Variants in HIF3A observed in about 807,000 individuals in gnomAD.
The protein encoded by HIF3A is hypoxia inducible factor 3 subunit alpha, also known as hypoxia-inducible factor 3-alpha.
Under a neutral mutation model 67.2 loss-of-function variants are expected in HIF3A, and 41 were observed. That is an observed-to-expected ratio of 0.61 (90% CI 0.48 to 0.79). HIF3A has a LOEUF of 0.79. Among genes scored for constraint, HIF3A ranks in the 30% least tolerant of loss-of-function variants. The pLI, the probability that HIF3A is intolerant of heterozygous loss-of-function variation, is 0.00. For synonymous variants in HIF3A, 356 were observed against 374.8 expected (o/e 0.95, Z 0.58); for missense variants, 855 against 898.0 (o/e 0.95, Z 0.61).
chr19:46,324,914 A>G (rs187472898), intron 10 of HIF3A, among the ~76,000 whole-genome samples: 5 of 146,416 alleles, frequency 3.4e-5, no homozygotes. Flanking sequence ...ATATACACAC[A>G]CACATATATA....
At chr19:46,302,439 T>TC (rs147442800) in intron 1 of HIF3A, among the ~76,000 whole-genome samples, 4,633 of 151,944 alleles carry the variant, frequency 0.03, 210 homozygotes, top group African/African-American at 0.11. Flanking sequence ...CTGTTTTTTG[T>TC]CTTTTTTTAG....
intron 8 of HIF3A, among the ~76,000 whole-genome samples, chr19:46,317,946 C>A (rs1342242988): frequency 1.3e-5 from 2 of 152,108 alleles, no homozygotes; most frequent in South Asian, 4.2e-4. Context: ...TCAAGTGATT[C>A]TCCTGTCTCA....
chr19:46,309,087 C>A, intron 5 of HIF3A, 64 bp from the exon 6 acceptor site: 1 of 1,422,410 alleles, frequency 7.0e-7, no homozygotes, highest in South Asian at 1.3e-5. Context: ...ACGCATCTTC[C>A]AACCCCATGG....
chr19:46,308,296 C>T lies in HIF3A; in HGVS notation c.439C>T (p.Pro147Ser), dbSNP rs1969078898. The change falls in exon 4 of 15, where the codon CCC becomes TCC. Residue 147 changes from proline to serine, a missense_variant. By Grantham distance (74) the Pro-to-Ser change is moderately conservative. This residue lies in a region of HIF3A where 638 missense variants were observed against 660.5 expected (regional missense o/e 0.97). Transcript: ENST00000377670. ...AGAGGAGCTTCAGGACGCCCTGACC[C>T]CCCAGCAGAGTGAGTTCCCTGGAGG... is the stretch of plus-strand genomic sequence containing the variant. ...DQEELQDALT[P>S]QQTLSRRKVE... 6.2e-7 allele frequency: 1 copy of T among 1,609,918 alleles called. No individual in the cohort carries two copies. The highest frequency in any genetic ancestry group is 8.5e-7 in the Non-Finnish European group (1 of 1,177,302).
At chr19:46,339,462 T>A in intron 14 of HIF3A, 63 bp from the exon 15 acceptor site, 1 of 1,089,588 alleles carries the variant, frequency 9.2e-7, no homozygotes, top group Non-Finnish European at 1.3e-6. Context: ...GGGGTTATGG[T>A]TGTCCTGTGA....
In HIF3A at chr19:46,309,350, G is replaced by C. The variant is rs1384062174; in HGVS notation, c.761G>C (p.Cys254Ser). Residue 254 changes from cysteine (C) to serine (S), a missense_variant, in exon 6 of 15, where the codon TGT becomes TCT. Cys to Ser is a moderately radical substitution (Grantham distance 112). This residue lies in a region of HIF3A where 638 missense variants were observed against 660.5 expected (regional missense o/e 0.97). Transcript: ENST00000377670. The part of the protein sequence containing the change: ...RHSLDMKFTY[C>S]DDRIAEVAGY... ...AGCCTGGACATGAAGTTCACCTACTGTGACGACAGGTGGGCAGGGGCCCCC... is the reference window on the plus strand; with the variant it reads ...AGCCTGGACATGAAGTTCACCTACTCTGACGACAGGTGGGCAGGGGCCCCC... 6.2e-7 allele frequency: 1 copy of C among 1,604,308 alleles called. No individual in the cohort carries two copies. Among genetic ancestry groups the C allele is most frequent in the Admixed American group, 1.7e-5 (1 of 58,912 alleles).
In HIF3A at chr19:46,339,525, G is replaced by T. The variant is rs944242531; in HGVS notation, c.1913G>T (p.Gly638Val). ...TPLLNLNEPL[G>V]LGPSLLSPYS... is the part of the protein sequence containing the mutation. ...TATCATTTATCTTTCATCTTTGCAG[G>T]CCTGGGCCCCTCACTGCTCTCTCCG... The change falls in exon 15 of 15, where the codon GGC (glycine) becomes GTC (valine). Residue 638 changes from glycine (G) to valine (V), a missense_variant and splice_region_variant. Physicochemically the swap from Gly to Val is moderately radical, Grantham distance 109. This residue lies in a region of HIF3A where 199 missense variants were observed against 193.8 expected (regional missense o/e 1.03). Coordinates refer to ENST00000377670, the MANE Select transcript of HIF3A (RefSeq NM_152795.4). 1.0e-5 allele frequency: 16 copies of T among 1,576,230 alleles called. No individual in the cohort carries two copies. Among genetic ancestry groups the T allele is most frequent in the East Asian group, 2.3e-5 (1 of 43,002 alleles).
chr19:46,337,463 C>T (rs1167106817), intron 14 of HIF3A, among the ~76,000 whole-genome samples: 2 of 152,048 alleles, frequency 1.3e-5, no homozygotes. Flanking sequence ...AGAAAGAGGT[C>T]TTGCTATGTT....
Position 46,312,739 on chromosome 19 carries a change from G to GCA in HIF3A, c.1025+86_1025+87insCA. On this transcript the variant is annotated intron_variant, in intron 8 of 14. Transcript: ENST00000377670. ...TGTGTGTGTGTGTGTGTGTGTGTGC[G>GCA]TATGAGCATGCATGTGTATCATGCA... The GCA allele has an allele frequency of 2.7e-6, 4 of 1,499,104 alleles. No individual in the cohort carries two copies. In the South Asian group the frequency reaches 4.1e-5, roughly 15 times the overall value. 92.9% of individuals were successfully genotyped at this position (1,499,104 alleles called of 1,614,324 possible).
intron 10 of HIF3A, among the ~76,000 whole-genome samples, chr19:46,325,328 G>A (rs1568534780): frequency 1.3e-5 from 2 of 152,014 alleles, no homozygotes; most frequent in Non-Finnish European, 2.9e-5. Context: ...GAACTTCCAT[G>A]TTTGCCCCAT....
In HIF3A at chr19:46,329,456, C is replaced by T; in HGVS notation, c.1690C>T (p.Pro564Ser). 6.5e-6 allele frequency: 10 copies of T among 1,532,288 alleles called. No individual in the cohort carries two copies. Among genetic ancestry groups the T allele is most frequent in the Non-Finnish European group, 7.9e-6 (9 of 1,138,430 alleles). The allele number at this position is 1,532,288 out of a possible 1,614,324, so 94.9% of individuals were successfully genotyped here. Residue 564 changes from proline to serine, a missense_variant, in exon 12 of 15, where the codon CCC becomes TCC. Pro to Ser is a moderately conservative substitution (Grantham distance 74, BLOSUM62 -1). Around this residue, in one of 3 missense-constraint regions of HIF3A, gnomAD observed 199 missense variants for 193.8 expected, o/e 1.03. Transcript: ENST00000377670. The stretch of plus-strand genomic sequence containing the variant: ...CAGAGGGGACCCCTCAGCATCCTCT[C>T]CCATGGCTGGGGCTCGGAAGAGGTG... ...PSRGDPSASS[P>S]MAGARKRTLA...
chr19:46,334,918 C>G lies in HIF3A; in HGVS notation c.1844C>G (p.Thr615Arg), dbSNP rs767724643. The G allele has an allele frequency of 6.2e-7, 1 of 1,609,160 alleles. No individual in the cohort carries two copies. The highest frequency in any genetic ancestry group is 1.1e-5 in the South Asian group (1 of 89,646). ...LFPLSLSFLL[T>R]GGPAPGSLQD... ...TCTCTCCCACAGAGTTTCCTTCTGA[C>G]AGGAGGACCAGCCCCAGGGAGCCTG... The change falls in exon 14 of 15, where the codon ACA becomes AGA. Residue 615 changes from threonine to arginine, a missense_variant. Physicochemically the swap from Thr to Arg is moderately conservative, Grantham distance 71. This residue lies in a region of HIF3A where 199 missense variants were observed against 193.8 expected (regional missense o/e 1.03). Coordinates refer to ENST00000377670, the MANE Select transcript of HIF3A (RefSeq NM_152795.4).
chr19:46,308,616 T>C (rs1302808103), intron 4 of HIF3A, 47 bp from the exon 5 acceptor site: 2 of 1,168,122 alleles, frequency 1.7e-6, no homozygotes, highest in East Asian at 2.5e-5. Flanking sequence ...GCACTGGGCC[T>C]GTGTGTAGCT....
At chr19:46,321,382 G>C (rs745732372) in intron 9 of HIF3A, among the ~76,000 whole-genome samples, 7 of 152,124 alleles carry the variant, frequency 4.6e-5, no homozygotes, top group African/African-American at 7.2e-5. Context: ...TCAGGAGTTT[G>C]AGATCAGCCT....
chr19:46,306,234 T>G (rs1357250691), intron 3 of HIF3A, among the ~76,000 whole-genome samples: 1 of 152,126 alleles, frequency 6.6e-6, no homozygotes, highest in Non-Finnish European at 1.5e-5. Context: ...CGGGGAGCTA[T>G]AGAAGGATTT....
chr19:46,308,367 C>T (rs1412783850), intron 4 of HIF3A, 62 bp downstream of exon 4: 25 of 990,606 alleles, frequency 2.5e-5, no homozygotes, highest in Middle Eastern at 2.3e-4. Flanking sequence ...CTCCACCCCT[C>T]CCTCAGCATA....
Position 46,321,957 on chromosome 19 carries a change from T to C in HIF3A, c.1326T>C (p.Ser442=). ...CGCTGGCCACACGGCACCCCCAAAG[T>C]CCTCTTTCGGTAAGCCATCCCACCC... ...STPLATRHPQ[S]PLSADLPDEL... Residue 442 remains serine, a synonymous_variant, in exon 10 of 15, where the codon AGT becomes AGC. Coordinates refer to ENST00000377670, the MANE Select transcript of HIF3A (RefSeq NM_152795.4). The C allele has an allele frequency of 6.2e-7, 1 of 1,613,652 alleles. No individual in the cohort carries two copies. The highest frequency in any genetic ancestry group is 1.3e-5 in the African/African-American group (1 of 75,038).
At chr19:46,321,253 C>T (rs1000800876) in intron 9 of HIF3A, among the ~76,000 whole-genome samples, 6 of 152,238 alleles carry the variant, frequency 3.9e-5, no homozygotes, top group East Asian at 1.9e-4. Context: ...CCCTTCCCCT[C>T]GGACCTTTCA....
chr19:46,331,378 G>T lies in HIF3A; in HGVS notation c.1830+105G>T, dbSNP rs781097467. 10 of 871,750 alleles carry T rather than the reference G, an allele frequency of 1.1e-5. No individual in the cohort carries two copies. The South Asian group carries it at 1.5e-4, about 13-fold the overall frequency. 54.0% of individuals were successfully genotyped at this position (871,750 alleles called of 1,614,324 possible). On this transcript the variant is annotated intron_variant, in intron 13 of 14. Coordinates refer to ENST00000377670, the MANE Select transcript of HIF3A (RefSeq NM_152795.4). ...AGAGAGGGGCAGGGGCTGGTTGAGGGTCATACAGAAAGTCAGTGGGCCAGC... is the reference window on the plus strand; with the variant it reads ...AGAGAGGGGCAGGGGCTGGTTGAGGTTCATACAGAAAGTCAGTGGGCCAGC...
Sources: allele counts gnomAD v4.1 joint callset (sites outside exome capture counted in the v4.1 genomes callset), GRCh38; gene constraint gnomAD v4.1.1; regional missense constraint gnomAD v4.1.1; transcripts MANE v1.5; gene names NCBI Gene and HGNC (gene_info 2026-07-23, HGNC 2026-07-21).